GALNT7: variants seen among roughly 807,000 people sequenced by gnomAD.
GALNT7 encodes the protein N-acetylgalactosaminyltransferase 7.
GALNT7 carries 60 observed loss-of-function variants against 82.1 expected under a neutral mutation model. The observed-to-expected ratio is 0.73, with a 90% CI of 0.59 to 0.91. The LOEUF (loss-of-function observed/expected upper bound fraction) is 0.91, where lower values mean the gene tolerates loss of function less well. GALNT7 is among the 40% of genes least tolerant of loss of function. The probability of loss-of-function intolerance (pLI) is 0.00; values close to 1 mark genes in which losing one functional copy is unlikely to be tolerated. For synonymous variants in GALNT7, 243 were observed against 275.1 expected, an observed-to-expected ratio of 0.88 and a Z score of 1.15; for missense variants, 660 against 804.2, an observed-to-expected ratio of 0.82 and a Z score of 2.17.
chr4:173,299,236 TAAAG>T (rs1488701143), intron 6 of GALNT7, among the ~76,000 whole-genome samples: 1 of 152,166 alleles, frequency 6.6e-6, no homozygotes, highest in Non-Finnish European at 1.5e-5. Context: ...ATGGCAAACA[TAAAG>T]AAGTTATAGC....
At chr4:173,254,683 C>T (rs908804862) in intron 2 of GALNT7, among the ~76,000 whole-genome samples, 1 of 152,198 alleles carries the variant, frequency 6.6e-6, no homozygotes, top group Non-Finnish European at 1.5e-5. Flanking sequence ...ACCATCCAAA[C>T]TAATTGATGA....
rs187397456 is a variant in GALNT7, at chr4:173,266,145, A to T, written c.587+17705A>T. Among the ~76,000 whole-genome samples, 27 of 152,340 alleles carry T rather than the reference A, an allele frequency of 1.8e-4. 1 individual carries two copies. The stretch of plus-strand genomic sequence containing the variant: ...CCTAGTGGCGTGCGGCCATGATCCC[A>T]GCTACTTAGGAGGCTGAGGCACAAG... On this transcript the variant is annotated intron_variant, in intron 2 of 11. Transcript: ENST00000265000.
chr4:173,285,692 A>G (rs1163604219), intron 2 of GALNT7, among the ~76,000 whole-genome samples: 1 of 152,278 alleles, frequency 6.6e-6, no homozygotes, highest in Admixed American at 6.5e-5. Flanking sequence ...TCACATATAT[A>G]TCACATGTAT....
At chr4:173,277,968 T>C (rs933431157) in intron 2 of GALNT7, among the ~76,000 whole-genome samples, 3 of 152,132 alleles carry the variant, frequency 2.0e-5, no homozygotes, top group Non-Finnish European at 4.4e-5. Context: ...GAGGAAGTAC[T>C]GTCAGTAATC....
In GALNT7 at chr4:173,292,396, T is replaced by C. The variant is rs1023321909; in HGVS notation, c.754+122T>C. The C allele has an allele frequency of 2.4e-4, 145 of 616,084 alleles. No individual in the cohort carries two copies. The African/African-American group carries it at 2.6e-3, about 11-fold the overall frequency. The allele number at this position is 616,084 out of a possible 1,614,324, so 38.2% of individuals were successfully genotyped here. On this transcript the variant is annotated intron_variant, in intron 3 of 11. Transcript: ENST00000265000. The surrounding 1 kb of genome is among the most constrained non-coding windows in gnomAD (Gnocchi z 4.8). Reference sequence around the variant, plus strand: ...TAGCATCTATTGATAGCATCTGTTATCAACAAGTTGACACTGTGCCAAGCA... The same window carrying C: ...TAGCATCTATTGATAGCATCTGTTACCAACAAGTTGACACTGTGCCAAGCA...
At chr4:173,226,891 CGA>C (rs1733849185) in intron 1 of GALNT7, among the ~76,000 whole-genome samples, 1 of 152,048 alleles carries the variant, frequency 6.6e-6, no homozygotes, top group Non-Finnish European at 1.5e-5. Context: ...TGGAAGACCT[CGA>C]AATACTTTAA....
At chr4:173,198,721 G>C (rs1335781333) in intron 1 of GALNT7, among the ~76,000 whole-genome samples, 3 of 152,196 alleles carry the variant, frequency 2.0e-5, no homozygotes, top group Admixed American at 6.5e-5. Flanking sequence ...GTAAATGTTG[G>C]AGACTTTCTG....
intron 8 of GALNT7, among the ~76,000 whole-genome samples, chr4:173,313,570 C>CAAAAAAAAAA (rs957463269): frequency 3.2e-5 from 2 of 62,358 alleles, no homozygotes; most frequent in Non-Finnish European, 7.3e-5. Context: ...GACCCCATCA[C>CAAAAAAAAAA]AAAAAAAAAA....
At chr4:173,180,326 CTTTT>C (rs10687213) in intron 1 of GALNT7, among the ~76,000 whole-genome samples, 1 of 123,214 alleles carries the variant, frequency 8.1e-6, no homozygotes, top group Non-Finnish European at 1.6e-5. Context: ...ATTGGAGTTC[CTTTT>C]TTTTTTTTTT....
At position 173,323,066 on chromosome 4, in the gene GALNT7, A is replaced by G. The variant is rs1406642866; in HGVS notation, c.*1349A>G. The G allele has an allele frequency of 6.7e-6, 1 of 150,080 alleles. No individual in the cohort carries two copies. Among genetic ancestry groups the G allele is most frequent in the Non-Finnish European group, 1.5e-5 (1 of 67,666 alleles). 9.3% of individuals were successfully genotyped at this position (150,080 alleles called of 1,614,324 possible). On this transcript the variant is annotated 3_prime_UTR_variant, in exon 12 of 12. Coordinates refer to ENST00000265000, the MANE Select transcript of GALNT7 (RefSeq NM_017423.3). ...CCAAATATTGCAAATGGTCAATTCG[A>G]TTTTAATTTCTCAAAAGATACTCTG...
Position 173,248,343 on chromosome 4 carries a change from C to T in GALNT7, c.490C>T (p.Gln164Ter). The T allele has an allele frequency of 6.2e-7, 1 of 1,613,798 alleles. No homozygotes were observed. The highest frequency in any genetic ancestry group is 8.5e-7 in the Non-Finnish European group (1 of 1,179,768). ...KPLVLGPEFK[Q>*]AIQASIKEFG... is the part of the protein sequence containing the mutation. ...ATTGGTTTTGGGACCAGAATTCAAA[C>T]AAGCAATTCAAGCCAGCATTAAAGA... The change falls in exon 2 of 12, where the codon CAA (glutamine) becomes TAA (stop). Residue 164 changes from glutamine (Q) to a stop codon, truncating the protein, a stop_gained. Coordinates refer to ENST00000265000, the MANE Select transcript of GALNT7 (RefSeq NM_017423.3). LOFTEE classifies it high-confidence loss of function.
chr4:173,226,818 A>G (rs999275773), intron 1 of GALNT7, among the ~76,000 whole-genome samples: 1 of 152,214 alleles, frequency 6.6e-6, no homozygotes. Flanking sequence ...AGGTGAGGCT[A>G]TGTTACAAAT....
intron 1 of GALNT7, among the ~76,000 whole-genome samples, chr4:173,221,624 TA>T (rs1317708191): frequency 1.3e-5 from 2 of 152,228 alleles, no homozygotes; most frequent in Non-Finnish European, 2.9e-5. Flanking sequence ...GAACATTCCT[TA>T]ATTAACTTAG....
intron 6 of GALNT7, 73 bp downstream of exon 6, chr4:173,298,370 A>G (rs1736799052): frequency 1.0e-6 from 1 of 957,532 alleles, no homozygotes; most frequent in African/African-American, 1.6e-5. Flanking sequence ...TGCCAAGCTA[A>G]AGATTCGTTA....
At chr4:173,268,222 T>C (rs1735574916) in intron 2 of GALNT7, 1 of 154,476 alleles carries the variant, frequency 6.5e-6, no homozygotes. Context: ...ACAATTACTT[T>C]TGCACCAACC....
intron 1 of GALNT7, among the ~76,000 whole-genome samples, chr4:173,241,051 A>G (rs1216463491): frequency 2.0e-5 from 3 of 152,096 alleles, no homozygotes; most frequent in Non-Finnish European, 4.4e-5. Flanking sequence ...GTTATCTTCA[A>G]TAACTCAAAG....
chr4:173,276,419 A>G (rs1329854261), intron 2 of GALNT7, among the ~76,000 whole-genome samples: 3 of 152,250 alleles, frequency 2.0e-5, no homozygotes, highest in Non-Finnish European at 2.9e-5. Flanking sequence ...TAGAGTCTCT[A>G]TTAGCCAAGG....
rs542264225 is a variant in GALNT7 at position 173,308,206 on chromosome 4, T to G, written c.1389+4088T>G. On this transcript the variant is annotated intron_variant, in intron 8 of 11. Coordinates refer to ENST00000265000, the MANE Select transcript of GALNT7 (RefSeq NM_017423.3). ...GGCTATTTGGGTTTGTGAATAGGTG[T>G]CTGTATTTGTTTTTTAGTTGTGGGG... Among the ~76,000 whole-genome samples, 70 of 152,292 alleles carry G rather than the reference T, an allele frequency of 4.6e-4. 1 individual carries two copies. Among genetic ancestry groups the G allele is most frequent in the African/African-American group, 1.6e-3 (68 of 41,568 alleles).
intron 1 of GALNT7, among the ~76,000 whole-genome samples, chr4:173,244,509 A>G (rs1287777002): frequency 8.1e-6 from 1 of 123,128 alleles, no homozygotes; most frequent in Admixed American, 8.1e-5. Context: ...GAGCCAGACT[A>G]TTTGGATTGA....
Sources: allele counts gnomAD v4.1 joint callset (sites outside exome capture counted in the v4.1 genomes callset), GRCh38; gene constraint gnomAD v4.1.1; non-coding constraint Gnocchi (gnomAD v3.1); transcripts MANE v1.5; gene names NCBI Gene and HGNC (gene_info 2026-07-23, HGNC 2026-07-21).